SHC3: variants seen among roughly 807,000 people sequenced by gnomAD.
The protein encoded by SHC3 is SHC adaptor protein 3.
A neutral mutation model predicts 60.4 loss-of-function variants in SHC3; 15 were observed. The ratio of observed to expected loss-of-function variants is 0.25; its 90% CI spans 0.17 to 0.38. The LOEUF is 0.38. SHC3 is among the 10% of genes least tolerant of loss of function. The pLI is 1.00. For synonymous variants in SHC3, 294 were observed against 325.9 expected, an observed-to-expected ratio of 0.90 and a Z score of 1.05; for missense variants, 677 against 786.1, an observed-to-expected ratio of 0.86 and a Z score of 1.66.
chr9:89,020,598 GAC>G (rs1217649279), intron 11 of SHC3, among the ~76,000 whole-genome samples: 1 of 152,170 alleles, frequency 6.6e-6, no homozygotes, highest in Non-Finnish European at 1.5e-5. Context: ...AACAGAATGA[GAC>G]AGATAAATCA....
intron 1 of SHC3, among the ~76,000 whole-genome samples, chr9:89,168,448 G>A (rs930092867): frequency 6.6e-6 from 1 of 151,728 alleles, no homozygotes; most frequent in African/African-American, 2.4e-5. Context: ...TGGGCAACAA[G>A]AGCAAAACTC....
chr9:89,021,746 T>C (rs1385707155), intron 11 of SHC3, among the ~76,000 whole-genome samples: 2 of 152,192 alleles, frequency 1.3e-5, no homozygotes, highest in East Asian at 3.9e-4. Flanking sequence ...CCTTGAGAGA[T>C]GGAGGGCTAC....
intron 1 of SHC3, among the ~76,000 whole-genome samples, chr9:89,113,899 A>G (rs1259822911): frequency 6.6e-6 from 1 of 152,202 alleles, no homozygotes; most frequent in Non-Finnish European, 1.5e-5. Context: ...TACCATCAAC[A>G]TTGCAGAGTT....
At chr9:89,103,422 T>G (rs1393386766) in intron 2 of SHC3, among the ~76,000 whole-genome samples, 1 of 151,788 alleles carries the variant, frequency 6.6e-6, no homozygotes, top group African/African-American at 2.4e-5. Context: ...GAGGGGAGAA[T>G]GGGTGAAGTT....
chr9:89,110,506 C>T, intron 2 of SHC3: 1 of 962,706 alleles, frequency 1.0e-6, no homozygotes. Flanking sequence ...TTAAAAGCTC[C>T]ACAGTGTGCT....
At chr9:89,097,046 G>C (rs1825713130) in intron 2 of SHC3, among the ~76,000 whole-genome samples, 2 of 150,542 alleles carry the variant, frequency 1.3e-5, no homozygotes, top group South Asian at 4.2e-4. Context: ...TCAGCAGCGA[G>C]GAGGCCACCA....
chr9:89,043,953 C>G (rs1824732608), intron 9 of SHC3, among the ~76,000 whole-genome samples: 1 of 152,194 alleles, frequency 6.6e-6, no homozygotes, highest in African/African-American at 2.4e-5. Context: ...CATGCCCTGC[C>G]TATTTATTGT....
chr9:89,083,673 G>A (rs1279346949), intron 2 of SHC3, among the ~76,000 whole-genome samples: 3 of 152,202 alleles, frequency 2.0e-5, no homozygotes, highest in Non-Finnish European at 4.4e-5. Context: ...ACCATTTGGA[G>A]AAGAAGCCCA....
At chr9:89,049,036 C>A (rs1373033636) in intron 7 of SHC3, among the ~76,000 whole-genome samples, 1 of 152,046 alleles carries the variant, frequency 6.6e-6, no homozygotes, top group African/African-American at 2.4e-5. Context: ...CCGAGAGGGG[C>A]GGATCACGAG....
At chr9:89,052,281 A>G in intron 6 of SHC3, 118 bp from the exon 7 acceptor site, 1 of 1,271,374 alleles carries the variant, frequency 7.9e-7, no homozygotes, top group South Asian at 1.5e-5. Context: ...CTTCCATAAT[A>G]TGTCCTAGCA....
chr9:89,171,730 C>A (rs1303371098), intron 1 of SHC3, among the ~76,000 whole-genome samples: 1 of 152,202 alleles, frequency 6.6e-6, no homozygotes, highest in South Asian at 2.1e-4. Context: ...GGGTAAGGCA[C>A]CTGCTCAAGC....
chr9:89,062,527 C>A (rs1367790536), intron 6 of SHC3, among the ~76,000 whole-genome samples: 1 of 152,170 alleles, frequency 6.6e-6, no homozygotes, highest in Non-Finnish European at 1.5e-5. Context: ...CTAGATTAAC[C>A]ACAAACACAT....
At chr9:89,082,263 C>A (rs919896114) in intron 2 of SHC3, among the ~76,000 whole-genome samples, 1 of 152,096 alleles carries the variant, frequency 6.6e-6, no homozygotes, top group African/African-American at 2.4e-5. Flanking sequence ...TTCTTCACCC[C>A]ACACACCCGC....
Position 89,013,182 on chromosome 9 carries a change from T to A in SHC3, c.*265A>T, listed in dbSNP as rs1278649419. On this transcript the variant is annotated 3_prime_UTR_variant, in exon 12 of 12. Transcript: ENST00000375835. ...ATTAAAAACATACAGCACAGAACAT[T>A]AGTCTTACATCTTTCTTAGTCTTAA... 2 of 284,360 alleles carry A rather than the reference T, an allele frequency of 7.0e-6. No individual in the cohort carries two copies. Among genetic ancestry groups the A allele is most frequent in the East Asian group, 6.2e-5 (1 of 16,164 alleles). The allele number at this position is 284,360 out of a possible 1,614,324, so 17.6% of individuals were successfully genotyped here. A position where few individuals can be genotyped will look rare whatever the true frequency, so the allele number is the denominator to read the frequency against.
At position 89,065,648 on chromosome 9, in the gene SHC3, G is replaced by C. The variant is rs562542700; in HGVS notation, c.784-68C>G. ...GAGAGACCACACAGTCAGGGACACA[G>C]GGCACAAACCAGTGAGCTTAGAAGG... On this transcript the variant is annotated intron_variant, in intron 5 of 11. Transcript: ENST00000375835. 99 of 1,507,546 alleles carry C rather than the reference G, an allele frequency of 6.6e-5. No homozygotes were observed. The South Asian group carries it at 1.1e-3, about 17-fold the overall frequency. 93.4% of individuals were successfully genotyped at this position (1,507,546 alleles called of 1,614,324 possible).
At chr9:89,052,778 T>G (rs933659656) in intron 6 of SHC3, among the ~76,000 whole-genome samples, 1 of 152,194 alleles carries the variant, frequency 6.6e-6, no homozygotes, top group Non-Finnish European at 1.5e-5. Context: ...TGCATCTACG[T>G]AAATTTGAGA....
At chr9:89,022,026 T>C (rs149710023) in intron 11 of SHC3, among the ~76,000 whole-genome samples, 19 of 152,270 alleles carry the variant, frequency 1.2e-4, no homozygotes, top group African/African-American at 3.6e-4. Flanking sequence ...CCATATTTCC[T>C]TTGTAGCGAA....
At chr9:89,065,885 T>C (rs1825170929) in intron 5 of SHC3, among the ~76,000 whole-genome samples, 1 of 152,150 alleles carries the variant, frequency 6.6e-6, no homozygotes, top group South Asian at 2.1e-4. Flanking sequence ...CGGAACTGGT[T>C]AGAAGTCCAC....
rs978095731 is a variant in SHC3, at chr9:89,013,541, C to T, written c.1691G>A (p.Ser564Asn). The change falls in exon 12 of 12, where the codon AGC (serine) becomes AAC (asparagine). Residue 564 changes from serine to asparagine, a missense_variant. Physicochemically the swap from Ser to Asn is conservative, Grantham distance 46. Transcript: ENST00000375835. ...TTCTAGGTGGTGGTTGATGAGGTGG[C>T]TGATACTGTCAAAGACTCTGTCCTT... The part of the protein sequence containing the change: ...RTKDRVFDSI[S>N]HLINHHLESS... 3 of 1,613,900 alleles carry T rather than the reference C, an allele frequency of 1.9e-6. No homozygotes were observed. The highest frequency in any genetic ancestry group is 1.3e-5 in the African/African-American group (1 of 74,890).
Sources: gnomAD v4.1 joint callset for allele counts (sites outside exome capture counted in the v4.1 genomes callset) on GRCh38, gnomAD v4.1.1 for gene constraint, MANE v1.5 for transcripts, NCBI Gene and HGNC (gene_info 2026-07-23, HGNC 2026-07-21) for gene names.